DENND5B: variants seen among roughly 807,000 people sequenced by gnomAD.
DENND5B encodes DENN domain containing 5B, also known as DENN domain-containing protein 5B.
Under a neutral mutation model 140.6 loss-of-function variants are expected in DENND5B, and 34 were observed. The observed-to-expected ratio is 0.24, with a 90% confidence interval of 0.18 to 0.32. The LOEUF is 0.32. Among genes scored for constraint, DENND5B ranks in the 10% least tolerant of loss-of-function variants. The probability of loss-of-function intolerance (pLI) is 1.00; values close to 1 mark genes in which losing one functional copy is unlikely to be tolerated. For missense variants in DENND5B, 1,142 were observed against 1,560.2 expected (o/e 0.73, Z 4.52); for synonymous variants, 551 against 562.1 (o/e 0.98, Z 0.28).
chr12:31,565,108 G>A lies in DENND5B; in HGVS notation c.127+25598C>T, dbSNP rs79480694. ...TCACAACCTTGCCAATTCGACTACT[G>A]CATCTATTAAGGGATTAGCTGGGCA... On this transcript the variant is annotated intron_variant, in intron 1 of 20. Coordinates refer to ENST00000389082, the MANE Select transcript of DENND5B (RefSeq NM_144973.4). Among the ~76,000 whole-genome samples, 307 of 152,164 alleles carry A rather than the reference G, an allele frequency of 2.0e-3. 3 individuals are homozygous for A. The East Asian group carries it at 0.037, about 18-fold the overall frequency.
At position 31,398,427 on chromosome 12, in the gene DENND5B, CCT is replaced by C. The variant is rs542934920; in HGVS notation, c.3069-67_3069-66del. ...TTGAGACAGGGTTCCCGCTCAGCCCCCTGAGTAGTTGAGACTACAGGTGTGCA... is the reference window on the plus strand; with the variant it reads ...TTGAGACAGGGTTCCCGCTCAGCCCCGAGTAGTTGAGACTACAGGTGTGCA... On this transcript the variant is annotated intron_variant, in intron 16 of 20. Coordinates refer to ENST00000389082, the MANE Select transcript of DENND5B (RefSeq NM_144973.4). 8.2e-5 allele frequency: 120 copies of C among 1,456,104 alleles called. 3 individuals carry two copies. In the African/African-American group the frequency reaches 1.2e-3, roughly 15 times the overall value. The allele number at this position is 1,456,104 out of a possible 1,614,324, so 90.2% of individuals were successfully genotyped here.
chr12:31,423,549 G>T, intron 11 of DENND5B, 48 bp downstream of exon 11: 1 of 1,583,590 alleles, frequency 6.3e-7, no homozygotes, highest in Non-Finnish European at 8.6e-7. Context: ...ATAGTATTGA[G>T]TCTTCTCAGA....
chr12:31,528,367 T>C (rs1259081371), intron 1 of DENND5B, among the ~76,000 whole-genome samples: 1 of 152,198 alleles, frequency 6.6e-6, no homozygotes, highest in Non-Finnish European at 1.5e-5. Flanking sequence ...GAAGGGTGCA[T>C]GTGATAGCAT....
chr12:31,534,964 C>G (rs1048304730), intron 1 of DENND5B: 1 of 265,044 alleles, frequency 3.8e-6, no homozygotes, highest in African/African-American at 2.4e-5. Context: ...GTCCCAGCTA[C>G]TTGGGAGGCT....
At chr12:31,511,922 T>C (rs1205882716) in intron 1 of DENND5B, among the ~76,000 whole-genome samples, 1 of 12,362 alleles carries the variant, frequency 8.1e-5, no homozygotes, top group South Asian at 2.4e-3. Context: ...TCCACTGCCC[T>C]TTTTTTTTTT....
rs531287724 is a variant in DENND5B at position 31,422,500 on chromosome 12, C to G, written c.2470+1097G>C. Among the ~76,000 whole-genome samples, 70 of 152,084 alleles carry G rather than the reference C, an allele frequency of 4.6e-4. No individual in the cohort carries two copies. The South Asian group carries it at 0.014, about 29-fold the overall frequency. ...CCTGTAATCCCAGCTACTCAGGAGG[C>G]TGAGGCAGGAGAATCACTTGAACCT... On this transcript the variant is annotated intron_variant, in intron 11 of 20. Coordinates refer to ENST00000389082, the MANE Select transcript of DENND5B (RefSeq NM_144973.4).
intron 3 of DENND5B, among the ~76,000 whole-genome samples, chr12:31,460,899 T>C (rs1441132196): frequency 1.3e-5 from 2 of 152,196 alleles, no homozygotes; most frequent in East Asian, 3.9e-4. Flanking sequence ...CTAATTTTTG[T>C]ATTTTTCGTA....
chr12:31,404,497 A>C (rs1305499629), intron 14 of DENND5B, among the ~76,000 whole-genome samples: 1 of 152,160 alleles, frequency 6.6e-6, no homozygotes, highest in Non-Finnish European at 1.5e-5. Context: ...CTTGTCGCTC[A>C]GGCTGGAGTG....
chr12:31,485,986 C>T (rs1946291592), intron 2 of DENND5B, among the ~76,000 whole-genome samples: 2 of 152,194 alleles, frequency 1.3e-5, no homozygotes, highest in African/African-American at 2.4e-5. Flanking sequence ...AGAATACAGG[C>T]GCAGCCAACC....
At chr12:31,580,445 C>G (rs181828385) in intron 1 of DENND5B, among the ~76,000 whole-genome samples, 1 of 152,130 alleles carries the variant, frequency 6.6e-6, no homozygotes, top group East Asian at 1.9e-4. Context: ...TCTCAAGCTT[C>G]TCATTTTTAA....
At chr12:31,427,443 T>C (rs1055678019) in intron 8 of DENND5B, among the ~76,000 whole-genome samples, 1 of 151,590 alleles carries the variant, frequency 6.6e-6, no homozygotes, top group African/African-American at 2.4e-5. Flanking sequence ...CCATCTCTAC[T>C]AAAAATACAA....
At chr12:31,514,987 G>A (rs1947571685) in intron 1 of DENND5B, among the ~76,000 whole-genome samples, 1 of 152,030 alleles carries the variant, frequency 6.6e-6, no homozygotes, top group Non-Finnish European at 1.5e-5. Flanking sequence ...ATTAGGCATG[G>A]TGGTGCACAC....
intron 20 of DENND5B, among the ~76,000 whole-genome samples, chr12:31,388,735 C>A (rs1940974120): frequency 1.3e-5 from 2 of 151,844 alleles, no homozygotes; most frequent in Non-Finnish European, 2.9e-5. Flanking sequence ...GTGCCACTTT[C>A]AAAAAATAAA....
At chr12:31,485,813 T>G (rs1168753347) in intron 2 of DENND5B, among the ~76,000 whole-genome samples, 2 of 152,050 alleles carry the variant, frequency 1.3e-5, no homozygotes, top group Admixed American at 6.6e-5. Context: ...ATAAAAAGTT[T>G]AGCTAGCCTG....
chr12:31,526,064 C>T (rs1333886811), intron 1 of DENND5B, among the ~76,000 whole-genome samples: 1 of 152,184 alleles, frequency 6.6e-6, no homozygotes, highest in Non-Finnish European at 1.5e-5. Context: ...CCCTATTTCT[C>T]ACCTCACCCA....
At chr12:31,517,437 G>T (rs1947701872) in intron 1 of DENND5B, among the ~76,000 whole-genome samples, 2 of 152,296 alleles carry the variant, frequency 1.3e-5, no homozygotes, top group South Asian at 4.1e-4. Context: ...TGAGACTTAA[G>T]GTGAAAACCA....
intron 1 of DENND5B, among the ~76,000 whole-genome samples, chr12:31,531,126 G>A (rs1948261946): frequency 6.6e-6 from 1 of 151,804 alleles, no homozygotes; most frequent in Admixed American, 6.6e-5. Context: ...AAGTCTCTTT[G>A]GCTCTACACA....
At chr12:31,430,248 CTT>C (rs1943448958) in intron 8 of DENND5B, among the ~76,000 whole-genome samples, 1 of 148,992 alleles carries the variant, frequency 6.7e-6, no homozygotes, top group African/African-American at 2.5e-5. Flanking sequence ...GACTCGAACT[CTT>C]GTTCTCAAGT....
intron 1 of DENND5B, among the ~76,000 whole-genome samples, chr12:31,557,461 C>T (rs1174974482): frequency 5.9e-5 from 9 of 152,108 alleles, no homozygotes; most frequent in Non-Finnish European, 4.4e-5. Flanking sequence ...TCCCTGCAGC[C>T]TCAACCTCCT....
Sources: allele counts gnomAD v4.1 joint callset (sites outside exome capture counted in the v4.1 genomes callset), GRCh38; gene constraint gnomAD v4.1.1; transcripts MANE v1.5; gene names NCBI Gene and HGNC (gene_info 2026-07-23, HGNC 2026-07-21).